The following SLC9A2 variants were observed in gnomAD, a reference collection of about 807,000 sequenced individuals.
SLC9A2 encodes the protein solute carrier family 9 member A2.
Under a neutral mutation model 71.7 loss-of-function variants are expected in SLC9A2, and 42 were observed. That is an observed-to-expected ratio of 0.59 (90% CI 0.46 to 0.76). SLC9A2 has a LOEUF of 0.76. SLC9A2 is among the 30% of genes least tolerant of loss of function. The pLI is 0.00. For missense variants in SLC9A2, 829 were observed against 1,017.4 expected (o/e 0.81, Z 2.52); for synonymous variants, 396 against 392.5 (o/e 1.01, Z -0.10).
chr2:102,642,845 A>G (rs1395473700), intron 1 of SLC9A2, among the ~76,000 whole-genome samples: 2 of 152,196 alleles, frequency 1.3e-5, no homozygotes, highest in Non-Finnish European at 2.9e-5. Flanking sequence ...TGCTAGTTGT[A>G]GGGCTATTCA....
chr2:102,625,206 T>A (rs1676223344), intron 1 of SLC9A2, among the ~76,000 whole-genome samples: 1 of 152,240 alleles, frequency 6.6e-6, no homozygotes, highest in African/African-American at 2.4e-5. Flanking sequence ...GTCTGAAGGA[T>A]GACTTCAACA....
At chr2:102,654,810 G>A (rs907368970) in intron 1 of SLC9A2, among the ~76,000 whole-genome samples, 6 of 152,276 alleles carry the variant, frequency 3.9e-5, no homozygotes, top group East Asian at 3.9e-4. Context: ...CCAGCCTATC[G>A]CTCCTAGTCT....
intron 7 of SLC9A2, among the ~76,000 whole-genome samples, chr2:102,700,685 G>C (rs570041926): frequency 6.6e-6 from 1 of 152,042 alleles, no homozygotes; most frequent in Non-Finnish European, 1.5e-5. Context: ...GAGCAATTTC[G>C]CTAAAAGCAG....
Position 102,708,410 on chromosome 2 carries a change from C to T in SLC9A2, c.2360C>T (p.Pro787Leu). The T allele has an allele frequency of 1.2e-6, 2 of 1,614,204 alleles. No homozygotes were observed. Among genetic ancestry groups the T allele is most frequent in the Middle Eastern group, 1.6e-4 (1 of 6,062 alleles). Residue 787 changes from proline to leucine, a missense_variant, in exon 12 of 12, where the codon CCC (proline) becomes CTC (leucine). Pro to Leu is a moderately conservative substitution (Grantham distance 98, BLOSUM62 -3). Coordinates refer to ENST00000233969, the MANE Select transcript of SLC9A2 (RefSeq NM_003048.6). ...GACAGTTTGACTGAAGGCATCCCGC[C>T]CAAGCCGCCACCACGGCTGGTCTGG... The part of the protein sequence containing the change: ...REDSLTEGIP[P>L]KPPPRLVWRA...
At chr2:102,665,384 G>T in intron 3 of SLC9A2, 34 bp downstream of exon 3, 2 of 1,581,314 alleles carry the variant, frequency 1.3e-6, no homozygotes, top group South Asian at 2.3e-5. Context: ...GCTCGATGAT[G>T]GCATTTCATT....
intron 1 of SLC9A2, among the ~76,000 whole-genome samples, chr2:102,636,389 A>G (rs1302886923): frequency 6.6e-6 from 1 of 152,244 alleles, no homozygotes; most frequent in Non-Finnish European, 1.5e-5. Flanking sequence ...AGTGTTAGCA[A>G]CCACTTAATT....
chr2:102,691,187 A>C (rs1161942994), intron 5 of SLC9A2, among the ~76,000 whole-genome samples: 1 of 152,212 alleles, frequency 6.6e-6, no homozygotes, highest in Non-Finnish European at 1.5e-5. Flanking sequence ...CCTGACCCTC[A>C]GAGGTGGTGT....
chr2:102,621,131 G>A (rs953708881), intron 1 of SLC9A2, among the ~76,000 whole-genome samples: 8 of 152,086 alleles, frequency 5.3e-5, no homozygotes, highest in African/African-American at 9.7e-5. Context: ...TCCAGCCTGG[G>A]CAACAAAGCA....
At chr2:102,700,497 A>G (rs908751766) in intron 7 of SLC9A2, among the ~76,000 whole-genome samples, 2 of 152,220 alleles carry the variant, frequency 1.3e-5, no homozygotes, top group African/African-American at 4.8e-5. Flanking sequence ...TGAAGACAAT[A>G]GTTTACACAA....
intron 5 of SLC9A2, among the ~76,000 whole-genome samples, chr2:102,690,685 T>G (rs1224925299): frequency 1.3e-5 from 2 of 152,146 alleles, no homozygotes; most frequent in South Asian, 2.1e-4. Context: ...GCTACTGCAA[T>G]GCTTTAATGC....
chr2:102,644,448 A>C (rs1462083316), intron 1 of SLC9A2, among the ~76,000 whole-genome samples: 1 of 152,100 alleles, frequency 6.6e-6, no homozygotes. Context: ...TGGCTCCTGG[A>C]ATGCCAGCAA....
intron 1 of SLC9A2, 76 bp from the exon 2 acceptor site, chr2:102,657,488 A>G (rs1023532775): frequency 5.2e-6 from 5 of 954,508 alleles, no homozygotes; most frequent in Non-Finnish European, 7.8e-6. Flanking sequence ...CACTGGTTCT[A>G]TCAAAGGGAA....
chr2:102,642,434 GT>G (rs66536273), intron 1 of SLC9A2, among the ~76,000 whole-genome samples: 68,587 of 150,834 alleles, frequency 0.45, 15,727 homozygotes, highest in East Asian at 0.68. Context: ...TAATCGTGTG[GT>G]TTTTTTTTTC....
At chr2:102,678,469 C>T (rs748422360) in intron 3 of SLC9A2, among the ~76,000 whole-genome samples, 5 of 152,020 alleles carry the variant, frequency 3.3e-5, no homozygotes, top group Non-Finnish European at 7.4e-5. Flanking sequence ...AATTAAGAAA[C>T]TTAACCAGAA....
rs1676089865 is a variant in SLC9A2, at chr2:102,619,585, G to C, written c.-264G>C. The C allele has an allele frequency of 3.1e-5, 10 of 321,774 alleles. No individual in the cohort carries two copies. The highest frequency in any genetic ancestry group is 5.1e-5 in the Non-Finnish European group (9 of 178,002). 19.9% of individuals were successfully genotyped at this position (321,774 alleles called of 1,614,324 possible). On this transcript the variant is annotated 5_prime_UTR_variant, in exon 1 of 12. Transcript: ENST00000233969. The surrounding 1 kb of genome is among the most constrained non-coding windows in gnomAD (Gnocchi z 4.3). ...AGCGCACCGGCATGGGCAGGCGGCC[G>C]GCGGCGGAGGGCGGCTGAGGGCTGC...
At chr2:102,677,138 T>C (rs983492924) in intron 3 of SLC9A2, among the ~76,000 whole-genome samples, 1 of 152,130 alleles carries the variant, frequency 6.6e-6, no homozygotes, top group African/African-American at 2.4e-5. Flanking sequence ...CACATTCTGG[T>C]AGAAAAGAAA....
intron 3 of SLC9A2, among the ~76,000 whole-genome samples, chr2:102,681,651 T>A (rs992201565): frequency 2.0e-5 from 3 of 152,256 alleles, no homozygotes; most frequent in African/African-American, 7.2e-5. Flanking sequence ...TGAATTTTAT[T>A]AGCACATTTA....
At chr2:102,665,046 G>A (rs940425858) in intron 2 of SLC9A2, 54 bp from the exon 3 acceptor site, 1 of 1,567,244 alleles carries the variant, frequency 6.4e-7, no homozygotes, top group African/African-American at 1.4e-5. Flanking sequence ...TGCCCAGAGT[G>A]ACAATGGGGA....
intron 11 of SLC9A2, among the ~76,000 whole-genome samples, chr2:102,707,289 A>G (rs952892542): frequency 2.5e-5 from 3 of 121,320 alleles, no homozygotes; most frequent in Non-Finnish European, 5.0e-5. Context: ...AAAAATCATT[A>G]CCCCTCTTTT....
Sources: allele counts gnomAD v4.1 joint callset (sites outside exome capture counted in the v4.1 genomes callset), GRCh38; gene constraint gnomAD v4.1.1; non-coding constraint Gnocchi (gnomAD v3.1); transcripts MANE v1.5; gene names NCBI Gene and HGNC (gene_info 2026-07-23, HGNC 2026-07-21).